PTPRM: variants seen among roughly 807,000 people sequenced by gnomAD.
PTPRM encodes the protein receptor-type tyrosine-protein phosphatase mu.
A neutral mutation model predicts 186.7 loss-of-function variants in PTPRM; 47 were observed. The observed-to-expected ratio is 0.25, with a 90% CI of 0.20 to 0.32. The LOEUF (loss-of-function observed/expected upper bound fraction) is 0.32, where lower values mean the gene tolerates loss of function less well. Ranked by LOEUF, PTPRM falls within the 10% of genes least tolerant of loss-of-function variation. PTPRM has a pLI of 1.00. For missense variants in PTPRM, 1,494 were observed against 1,865.0 expected (o/e 0.80, Z 3.66); for synonymous variants, 668 against 674.9 (o/e 0.99, Z 0.16).
At chr18:8,076,092 G>A (rs949414040) in intron 8 of PTPRM, among the ~76,000 whole-genome samples, 26 of 152,214 alleles carry the variant, frequency 1.7e-4, no homozygotes, top group African/African-American at 6.3e-4. Flanking sequence ...TTTACTAAAT[G>A]CTATTAATAA....
chr18:8,215,947 C>T (rs578258432), intron 14 of PTPRM, among the ~76,000 whole-genome samples: 1 of 152,244 alleles, frequency 6.6e-6, no homozygotes, highest in South Asian at 2.1e-4. Context: ...CTTAACCCAG[C>T]CCCCTGTCTG....
intron 3 of PTPRM, among the ~76,000 whole-genome samples, chr18:7,900,240 G>A (rs1342390899): frequency 2.6e-5 from 4 of 152,194 alleles, no homozygotes; most frequent in Admixed American, 2.6e-4. Context: ...ATGAATAAAC[G>A]TGGCTTTGTT....
chr18:8,318,089 T>C (rs1434120523), intron 21 of PTPRM, among the ~76,000 whole-genome samples: 2 of 152,170 alleles, frequency 1.3e-5, no homozygotes, highest in Non-Finnish European at 2.9e-5. Context: ...ATTTAAGTTA[T>C]CTGAGAAATC....
At chr18:7,962,891 T>G (rs1433306926) in intron 7 of PTPRM, among the ~76,000 whole-genome samples, 1 of 152,222 alleles carries the variant, frequency 6.6e-6, no homozygotes, top group Admixed American at 6.5e-5. Context: ...CTCAGGTACC[T>G]GGGGCCATGT....
intron 26 of PTPRM, chr18:8,377,984 T>G: frequency 3.5e-6 from 1 of 285,216 alleles, no homozygotes; most frequent in Non-Finnish European, 6.5e-6. Context: ...TGTGAAATAC[T>G]GAGTTCCAAG....
intron 13 of PTPRM, among the ~76,000 whole-genome samples, chr18:8,120,688 G>T (rs1388099969): frequency 6.6e-6 from 1 of 151,912 alleles, no homozygotes; most frequent in Non-Finnish European, 1.5e-5. Context: ...TAGAGATGGG[G>T]TTTCACCATG....
In PTPRM at chr18:8,244,157, A is replaced by G. The variant is rs1445938979; in HGVS notation, c.2400A>G (p.Thr800=). The G allele has an allele frequency of 6.2e-7, 1 of 1,601,498 alleles. No individual in the cohort carries two copies. Among genetic ancestry groups the G allele is most frequent in the East Asian group, 2.3e-5 (1 of 44,146 alleles). Residue 800 remains threonine, a synonymous_variant, in exon 15 of 33, where the codon ACA becomes ACG. Coordinates refer to ENST00000580170, the MANE Select transcript of PTPRM (RefSeq NM_001105244.2). The part of the protein sequence containing the change: ...SMDKSYAEQG[T]NCDEAFSFMD... ...ACAAGAGCTATGCTGAGCAGGGCAC[A>G]AACTGCGACGAGGCTTTCTCATTCA...
At chr18:7,624,446 C>T (rs943018989) in intron 1 of PTPRM, among the ~76,000 whole-genome samples, 2 of 151,866 alleles carry the variant, frequency 1.3e-5, no homozygotes, top group African/African-American at 4.8e-5. Flanking sequence ...TTTTTCTTGT[C>T]GTGTATCCTG....
At chr18:7,768,010 C>T (rs2042092368) in intron 1 of PTPRM, among the ~76,000 whole-genome samples, 1 of 152,160 alleles carries the variant, frequency 6.6e-6, no homozygotes, top group Non-Finnish European at 1.5e-5. Context: ...GATTCATTAC[C>T]TATCCTTTTA....
intron 2 of PTPRM, among the ~76,000 whole-genome samples, chr18:7,884,924 CAAAAAAAAAAAAA>C (rs56724615): frequency 1.4e-3 from 53 of 37,844 alleles, no homozygotes; most frequent in Admixed American, 4.3e-3. Flanking sequence ...AGCTCCATCT[CAAAAAAAAAAAAA>C]AAAAAAAAAA....
intron 17 of PTPRM, among the ~76,000 whole-genome samples, chr18:8,248,875 T>A (rs1317280025): frequency 6.6e-6 from 1 of 152,188 alleles, no homozygotes; most frequent in Non-Finnish European, 1.5e-5. Flanking sequence ...TGGGGCAGAA[T>A]GCATTTAAAG....
In PTPRM at chr18:8,152,899, G is replaced by A. The variant is rs547300247; in HGVS notation, c.2300+9120G>A. On this transcript the variant is annotated intron_variant, in intron 14 of 32. Transcript: ENST00000580170. ...AGCCCAGCTAATTTTTGTATTTTTA[G>A]TAGAGACAGGGTTTCACCATGTTAG... is the stretch of plus-strand genomic sequence containing the variant. Among the ~76,000 whole-genome samples the A allele has an allele frequency of 3.3e-5, 5 of 151,794 alleles. No individual in the cohort carries two copies. The South Asian group carries it at 1.0e-3, about 32-fold the overall frequency.
intron 1 of PTPRM, among the ~76,000 whole-genome samples, chr18:7,578,095 A>G (rs1298283907): frequency 6.6e-6 from 1 of 152,108 alleles, no homozygotes; most frequent in Non-Finnish European, 1.5e-5. Flanking sequence ...AGTAGCCATG[A>G]GACCTTGGGT....
chr18:7,962,872 G>T (rs577642729), intron 7 of PTPRM, among the ~76,000 whole-genome samples: 160 of 152,320 alleles, frequency 1.1e-3, no homozygotes, highest in African/African-American at 3.8e-3. Flanking sequence ...TGGACTTACA[G>T]GGCTGACCCT....
chr18:8,395,642 T>C (rs1178194365), intron 32 of PTPRM, among the ~76,000 whole-genome samples: 1 of 152,098 alleles, frequency 6.6e-6, no homozygotes, highest in Non-Finnish European at 1.5e-5. Context: ...TCAGAAAATT[T>C]GTCACACCCA....
chr18:7,770,694 C>G (rs1179517561), intron 1 of PTPRM, among the ~76,000 whole-genome samples: 1 of 152,188 alleles, frequency 6.6e-6, no homozygotes, highest in African/African-American at 2.4e-5. Flanking sequence ...GACTCAGAAC[C>G]TATACATTTT....
intron 2 of PTPRM, among the ~76,000 whole-genome samples, chr18:7,854,180 G>T (rs1329379960): frequency 6.6e-6 from 1 of 152,130 alleles, no homozygotes; most frequent in Non-Finnish European, 1.5e-5. Flanking sequence ...TTGAAGAAGT[G>T]GTTGTCTACC....
At chr18:8,168,398 G>A (rs1412299284) in intron 14 of PTPRM, among the ~76,000 whole-genome samples, 1 of 152,078 alleles carries the variant, frequency 6.6e-6, no homozygotes, top group African/African-American at 2.4e-5. Context: ...AATATGCTTT[G>A]AAATATCATC....
chr18:7,608,171 C>T (rs1327383613), intron 1 of PTPRM, among the ~76,000 whole-genome samples: 5 of 152,130 alleles, frequency 3.3e-5, no homozygotes, highest in African/African-American at 4.8e-5. Context: ...GTTTTAGAGA[C>T]GACAGGATAG....
Sources: gnomAD v4.1 joint callset for allele counts (sites outside exome capture counted in the v4.1 genomes callset) on GRCh38, gnomAD v4.1.1 for gene constraint, MANE v1.5 for transcripts, NCBI Gene and HGNC (gene_info 2026-07-23, HGNC 2026-07-21) for gene names.